The following EGR2 variants were observed in gnomAD, a reference collection of about 807,000 sequenced individuals.
The protein encoded by EGR2 is early growth response 2, also known as E3 SUMO-protein ligase EGR2.
Under a neutral mutation model 21.2 loss-of-function variants are expected in EGR2, and 2 were observed. The ratio of observed to expected loss-of-function variants is 0.09; its 90% CI spans 0.04 to 0.30. EGR2 has a LOEUF of 0.30. EGR2 is among the 10% of genes least tolerant of loss of function. The pLI, the probability that EGR2 is intolerant of heterozygous loss-of-function variation, is 1.00. For synonymous variants in EGR2, 282 were observed against 258.2 expected (o/e 1.09, Z -0.88); for missense variants, 458 against 630.2 (o/e 0.73, Z 2.93).
In EGR2 at chr10:62,814,743, G is replaced by T. The variant is rs1842217937; in HGVS notation, c.170-275C>A. On this transcript the variant is annotated intron_variant, in intron 1 of 1. Coordinates refer to ENST00000242480, the MANE Select transcript of EGR2 (RefSeq NM_000399.5). This position sits in a 1 kb window ranked among gnomAD's most constrained non-coding sequence, Gnocchi z 4.8. ...TCCCCTCCACCCCCAGCCATCTGTG[G>T]CTCTAGTCCCCAATAAAAAACACCC... Among the ~76,000 whole-genome samples, 1 of 152,170 alleles carries T rather than the reference G, an allele frequency of 6.6e-6. No homozygotes were observed. The highest frequency in any genetic ancestry group is 2.4e-5 in the African/African-American group (1 of 41,444).
rs1842145759 is a variant in EGR2 at position 62,812,859 on chromosome 10, G to C, written c.*348C>G. 1 of 212,242 alleles carries C rather than the reference G, an allele frequency of 4.7e-6. No homozygotes were observed. Among genetic ancestry groups the C allele is most frequent in the South Asian group, 1.6e-4 (1 of 6,428 alleles). The allele number at this position is 212,242 out of a possible 1,614,324, so 13.1% of individuals were successfully genotyped here. ...CTCTGACATCCAGGGTCAAAAACCT[G>C]TGATGGGTCAAAATAAGGGGAAGTG... On this transcript the variant is annotated 3_prime_UTR_variant, in exon 2 of 2. Coordinates refer to ENST00000242480, the MANE Select transcript of EGR2 (RefSeq NM_000399.5).
rs1842213426 is a variant in EGR2, at chr10:62,814,485, C to T, written c.170-17G>A. The T allele has an allele frequency of 2.5e-6, 4 of 1,613,024 alleles. No homozygotes were observed. The highest frequency in any genetic ancestry group is 3.3e-5 in the Admixed American group (2 of 59,996). ...TCATGCCATCTGGGGAGGGGAAAGG[C>T]AGAATGGAGGTGGAACAATGAAAAT... On this transcript the variant is annotated splice_polypyrimidine_tract_variant and intron_variant, in intron 1 of 1. Transcript: ENST00000242480. The surrounding 1 kb of genome is among the most constrained non-coding windows in gnomAD (Gnocchi z 4.8).
At chr10:62,818,472 G>T, upstream of EGR2, 1 of 944,324 alleles carries the variant, frequency 1.1e-6, no homozygotes, top group Non-Finnish European at 1.4e-6. Flanking sequence ...CAGCAAAAAT[G>T]TGCAAAGTCC....
rs1842212335 is a variant in EGR2 at position 62,814,458 on chromosome 10, G to T, written c.180C>A (p.Ile60=). The T allele has an allele frequency of 6.2e-7, 1 of 1,613,900 alleles. No individual in the cohort carries two copies. The highest frequency in any genetic ancestry group is 1.1e-5 in the South Asian group (1 of 91,050). The part of the protein sequence containing the change: ...QMNGVAGDGM[I]NIDMTGEKRS... ...TCTTCTCTCCAGTCATGTCAATGTT[G>T]ATCATGCCATCTGGGGAGGGGAAAG... Residue 60 remains isoleucine, a synonymous_variant, in exon 2 of 2, where the codon ATC becomes ATA. Coordinates refer to ENST00000242480, the MANE Select transcript of EGR2 (RefSeq NM_000399.5). The surrounding 1 kb of genome is among the most constrained non-coding windows in gnomAD (Gnocchi z 4.8).
chr10:62,816,381 G>A, upstream of EGR2: 2 of 1,207,644 alleles, frequency 1.7e-6, no homozygotes, highest in Non-Finnish European at 2.1e-6. Context: ...GGAAAGTGTT[G>A]CTCTAAGTAT....
upstream of EGR2, chr10:62,818,517 A>G (rs1838308441): frequency 1.1e-5 from 13 of 1,184,920 alleles, no homozygotes; most frequent in Non-Finnish European, 1.4e-5. Context: ...AAAGAAAAGC[A>G]AGAAAAGATA....
At chr10:62,817,034 C>T (rs1182196952), upstream of EGR2, among the ~76,000 whole-genome samples, 4 of 152,124 alleles carry the variant, frequency 2.6e-5, no homozygotes, top group Non-Finnish European at 4.4e-5. This position sits in a 1 kb window ranked among gnomAD's most constrained non-coding sequence, Gnocchi z 4.4. Context: ...GGAGCGAAAA[C>T]GGAACAGGTT....
In EGR2 at chr10:62,813,868, C is replaced by G; in HGVS notation, c.770G>C (p.Arg257Pro). 1 of 1,614,122 alleles carries G rather than the reference C, an allele frequency of 6.2e-7. No homozygotes were observed. Among genetic ancestry groups the G allele is most frequent in the Non-Finnish European group, 8.5e-7 (1 of 1,180,012 alleles). The change falls in exon 2 of 2, where the codon CGG becomes CCG. Residue 257 changes from arginine to proline, a missense_variant. By Grantham distance (103) the Arg-to-Pro change is moderately radical. Transcript: ENST00000242480. This position sits in a 1 kb window ranked among gnomAD's most constrained non-coding sequence, Gnocchi z 5.7. ...GAGTGGAGTGAGTGGAGGGGGCACC[C>G]GCAGGGTGTCCAGTGGGCAGGGAAA... ...KPFPCPLDTL[R>P]VPPPLTPLST...
chr10:62,818,649 T>G, upstream of EGR2: 2 of 1,259,466 alleles, frequency 1.6e-6, no homozygotes, highest in South Asian at 2.5e-5. Context: ...TCTCGGGCCC[T>G]GAGTCCGAAA....
Position 62,812,901 on chromosome 10 carries a change from T to C in EGR2, c.*306A>G. 1 of 290,456 alleles carries C rather than the reference T, an allele frequency of 3.4e-6. No individual in the cohort carries two copies. The highest frequency in any genetic ancestry group is 6.4e-6 in the Non-Finnish European group (1 of 156,194). 18.0% of individuals were successfully genotyped at this position (290,456 alleles called of 1,614,324 possible). ...GGGGAAGTGGGGTAGCAAAACCTAG[T>C]CAAACAACCCTTTAAAGCAGGGTCA... On this transcript the variant is annotated 3_prime_UTR_variant, in exon 2 of 2. Transcript: ENST00000242480.
rs575638651 is a variant in EGR2, at chr10:62,816,311, A to T, written c.-282T>A. ...CAGGAGTTGCTGGTGTAGTGTTATT[A>T]TAACAGTCAGTGAGTCCCCTCGCCG... On this transcript the variant is annotated 5_prime_UTR_variant, in exon 1 of 2. Transcript: ENST00000242480. 7.6e-7 allele frequency: 1 copy of T among 1,311,462 alleles called. No individual in the cohort carries two copies. Among genetic ancestry groups the T allele is most frequent in the Non-Finnish European group, 9.8e-7 (1 of 1,022,926 alleles). The allele number at this position is 1,311,462 out of a possible 1,614,324, so 81.2% of individuals were successfully genotyped here.
In EGR2 at chr10:62,813,458, C is replaced by T. The variant is rs1272471096; in HGVS notation, c.1180G>A (p.Gly394Ser). 6.2e-7 allele frequency: 1 copy of T among 1,614,170 alleles called. No individual in the cohort carries two copies. The highest frequency in any genetic ancestry group is 8.5e-7 in the Non-Finnish European group (1 of 1,180,038). The change falls in exon 2 of 2, where the codon GGT becomes AGT. Residue 394 changes from glycine (G) to serine (S), a missense_variant. Physicochemically the swap from Gly to Ser is moderately conservative, Grantham distance 56 (BLOSUM62 0). Transcript: ENST00000242480. The surrounding 1 kb of genome is among the most constrained non-coding windows in gnomAD (Gnocchi z 5.7). ...TAGTCACAGGCGAAGGGCTTCTCAC[C>T]GGTGTGGGTGCGGATATGGGTGGTG... ...HLTTHIRTHT[G>S]EKPFACDYCG...
In EGR2 at chr10:62,813,808, C is replaced by T. The variant is rs761862879; in HGVS notation, c.830G>A (p.Ser277Asn). The T allele has an allele frequency of 1.2e-6, 2 of 1,613,900 alleles. No individual in the cohort carries two copies. The highest frequency in any genetic ancestry group is 8.5e-7 in the Non-Finnish European group (1 of 1,179,912). The change falls in exon 2 of 2, where the codon AGT becomes AAT. Residue 277 changes from serine to asparagine, a missense_variant. This residue lies in a region of EGR2 where 253 missense variants were observed against 315.5 expected (regional missense o/e 0.80). Transcript: ENST00000242480. The surrounding 1 kb of genome is among the most constrained non-coding windows in gnomAD (Gnocchi z 5.7). ...GGCCCCTGGTCCGGTCACCCCAGCA[C>T]TGGGGCCCCCCAGGGTAAAGTTACG... ...TIRNFTLGGP[S>N]AGVTGPGASG...
intron 1 of EGR2, 21 bp downstream of exon 1, chr10:62,815,840 C>G (rs1842252678): frequency 6.2e-7 from 1 of 1,613,616 alleles, no homozygotes; most frequent in Non-Finnish European, 8.5e-7. Flanking sequence ...AGGTCCGGGC[C>G]TGCGAAGACA....
upstream of EGR2, among the ~76,000 whole-genome samples, chr10:62,817,654 C>T (rs943560649): frequency 5.9e-5 from 9 of 152,148 alleles, no homozygotes; most frequent in Admixed American, 3.3e-4. This position sits in a 1 kb window ranked among gnomAD's most constrained non-coding sequence, Gnocchi z 4.4. Flanking sequence ...CAGCGCGGTC[C>T]TCAGTGACGG....
At chr10:62,815,834 C>A in intron 1 of EGR2, 27 bp downstream of exon 1, 1 of 1,613,496 alleles carries the variant, frequency 6.2e-7, no homozygotes, top group South Asian at 1.1e-5. Context: ...CCGCGCAGGT[C>A]CGGGCCTGCG....
upstream of EGR2, chr10:62,818,656 G>A: frequency 1.6e-6 from 2 of 1,255,482 alleles, no homozygotes; most frequent in Admixed American, 2.5e-5. Flanking sequence ...CCCTGAGTCC[G>A]AAAGAACGGG....
intron 1 of EGR2, among the ~76,000 whole-genome samples, chr10:62,815,268 T>C (rs1354734118): frequency 6.6e-6 from 1 of 152,122 alleles, no homozygotes. Context: ...TTGCGCGCCC[T>C]CCTCCACCAC....
rs2132703249 is a variant in EGR2, at chr10:62,813,629, C to G, written c.1009G>C (p.Glu337Gln). 2 of 1,613,000 alleles carry G rather than the reference C, an allele frequency of 1.2e-6. No individual in the cohort carries two copies. Among genetic ancestry groups the G allele is most frequent in the Non-Finnish European group, 8.5e-7 (1 of 1,180,026 alleles). Residue 337 changes from glutamate to glutamine, a missense_variant, in exon 2 of 2, where the codon GAG becomes CAG. By Grantham distance (29) the Glu-to-Gln change is conservative. Coordinates refer to ENST00000242480, the MANE Select transcript of EGR2 (RefSeq NM_000399.5). This position sits in a 1 kb window ranked among gnomAD's most constrained non-coding sequence, Gnocchi z 5.7. ...PNRPSKTPVHERPYPCPAEGC... is the reference protein window; with the variant it reads ...PNRPSKTPVHQRPYPCPAEGC... ...TCTGCTGGGCACGGGTAGGGCCTCT[C>G]GTGCACCGGCGTCTTGCTGGGTCTG...
Sources: allele counts gnomAD v4.1 joint callset (sites outside exome capture counted in the v4.1 genomes callset), GRCh38; gene constraint gnomAD v4.1.1; regional missense constraint gnomAD v4.1.1; non-coding constraint Gnocchi (gnomAD v3.1); transcripts MANE v1.5; gene names NCBI Gene and HGNC (gene_info 2026-07-23, HGNC 2026-07-21).